The following SLC24A2 variants were observed in gnomAD, a reference collection of about 807,000 sequenced individuals.
SLC24A2 encodes the protein sodium/potassium/calcium exchanger 2.
In SLC24A2, 36 loss-of-function variants were observed where a neutral mutation model predicts 62.0. The observed-to-expected ratio is 0.58, with a 90% confidence interval of 0.44 to 0.77. SLC24A2 has a LOEUF of 0.77. Ranked by LOEUF, SLC24A2 falls within the 30% of genes least tolerant of loss-of-function variation. The probability of loss-of-function intolerance (pLI) is 0.00; values close to 1 mark genes in which losing one functional copy is unlikely to be tolerated. For synonymous variants in SLC24A2, 358 were observed against 294.0 expected, an observed-to-expected ratio of 1.22 and a Z score of -2.23; for missense variants, 846 against 817.9, an observed-to-expected ratio of 1.03 and a Z score of -0.42.
the SLC24A2 span, among the ~76,000 whole-genome samples, chr9:20,119,817 G>A: frequency 2.0e-5 from 3 of 152,172 alleles, no homozygotes; most frequent in Non-Finnish European, 4.4e-5. Context: ...GTAAAACTGT[G>A]TTTATTCAGA....
intron 2 of SLC24A2, among the ~76,000 whole-genome samples, chr9:19,742,217 T>C (rs1289353181): frequency 6.6e-6 from 1 of 152,190 alleles, no homozygotes. Context: ...GAAAGCTGCA[T>C]TTTACATGAA....
chr9:20,062,499 AT>A, the SLC24A2 span, among the ~76,000 whole-genome samples: 1 of 114,072 alleles, frequency 8.8e-6, no homozygotes. Flanking sequence ...TTCAAGATGG[AT>A]TAAAGACTTA....
intron 9 of SLC24A2, among the ~76,000 whole-genome samples, chr9:19,524,670 T>C (rs1833355124): frequency 6.6e-6 from 1 of 152,210 alleles, no homozygotes; most frequent in Non-Finnish European, 1.5e-5. Context: ...GAAGTATTTG[T>C]ATAGGAGAAA....
the SLC24A2 span, among the ~76,000 whole-genome samples, chr9:20,105,402 T>G: frequency 1.3e-5 from 2 of 152,078 alleles, no homozygotes; most frequent in South Asian, 4.2e-4. Context: ...TACATTTTTT[T>G]CAGCACCACA....
chr9:19,824,480 A>T, the SLC24A2 span, among the ~76,000 whole-genome samples: 494 of 152,368 alleles, frequency 3.2e-3, 1 homozygote, highest in African/African-American at 0.011. Context: ...ATACCATCTC[A>T]TGTCAGTTAG....
chr9:20,304,233 C>T, the SLC24A2 span, among the ~76,000 whole-genome samples: 1 of 152,168 alleles, frequency 6.6e-6, no homozygotes. Flanking sequence ...CTGCTGGATG[C>T]TCTGTCCCTC....
At chr9:19,948,583 C>A in the SLC24A2 span, among the ~76,000 whole-genome samples, 1 of 152,116 alleles carries the variant, frequency 6.6e-6, no homozygotes, top group African/African-American at 2.4e-5. Context: ...ACGGGCCGGG[C>A]GCGGTGGCTC....
the SLC24A2 span, among the ~76,000 whole-genome samples, chr9:19,934,346 T>C: frequency 1.3e-5 from 2 of 152,136 alleles, no homozygotes. This position sits in a 1 kb window ranked among gnomAD's most constrained non-coding sequence, Gnocchi z 4.1. Flanking sequence ...GGTGGCTTCA[T>C]GTCTCAGCGT....
At chr9:20,221,586 TG>T in the SLC24A2 span, among the ~76,000 whole-genome samples, 2 of 151,798 alleles carry the variant, frequency 1.3e-5, no homozygotes, top group Non-Finnish European at 2.9e-5. Flanking sequence ...TATCTAAAAT[TG>T]AAAAAATGTA....
At chr9:19,600,357 G>T (rs1028385513) in intron 4 of SLC24A2, among the ~76,000 whole-genome samples, 2 of 152,168 alleles carry the variant, frequency 1.3e-5, no homozygotes, top group Non-Finnish European at 2.9e-5. Context: ...TATCACACTA[G>T]CCAAAAGAGT....
the SLC24A2 span, among the ~76,000 whole-genome samples, chr9:19,914,748 G>C: frequency 6.6e-6 from 1 of 151,948 alleles, no homozygotes; most frequent in East Asian, 1.9e-4. Flanking sequence ...CTCAGATGAG[G>C]CAAGAAGGCA....
chr9:20,177,931 C>A, the SLC24A2 span, among the ~76,000 whole-genome samples: 45 of 152,116 alleles, frequency 3.0e-4, no homozygotes, highest in East Asian at 8.3e-3. Context: ...AAGTGGAGAG[C>A]CAAGATTTGA....
At chr9:19,718,373 A>C (rs1206601249) in intron 2 of SLC24A2, among the ~76,000 whole-genome samples, 13 of 138,208 alleles carry the variant, frequency 9.4e-5, no homozygotes, top group Non-Finnish European at 1.2e-4. Flanking sequence ...GCTCACTGCA[A>C]CCTCTGCCTC....
chr9:19,814,745 T>G, the SLC24A2 span, among the ~76,000 whole-genome samples: 134 of 152,318 alleles, frequency 8.8e-4, 3 homozygotes, highest in South Asian at 0.027. Context: ...TATGAAAATA[T>G]TGTCAGCATT....
the SLC24A2 span, among the ~76,000 whole-genome samples, chr9:19,865,625 G>T: frequency 6.6e-6 from 1 of 152,116 alleles, no homozygotes; most frequent in African/African-American, 2.4e-5. Context: ...AATAAATGGT[G>T]CTGGGAAAAC....
At chr9:20,287,931 T>C in the SLC24A2 span, among the ~76,000 whole-genome samples, 4 of 152,232 alleles carry the variant, frequency 2.6e-5, no homozygotes, top group Non-Finnish European at 5.9e-5. Flanking sequence ...AGTCCATTTA[T>C]TACAAAGTTT....
chr9:19,776,575 T>C (rs1352354260), intron 2 of SLC24A2, among the ~76,000 whole-genome samples: 1 of 152,226 alleles, frequency 6.6e-6, no homozygotes, highest in African/African-American at 2.4e-5. Flanking sequence ...TCTAGCGTCC[T>C]ACAGTAAACT....
rs1307586835 is a variant in SLC24A2, at chr9:19,787,018, T to C, written c.-152A>G. ...CTTCACAGGAAACTTTCATCATTTA[T>C]GCTTAAATAAAAATAAAAACGAGAA... On this transcript the variant is annotated splice_region_variant and 5_prime_UTR_variant, in exon 2 of 11. Coordinates refer to ENST00000341998, the MANE Select transcript of SLC24A2 (RefSeq NM_020344.4). 1 of 1,392,094 alleles carries C rather than the reference T, an allele frequency of 7.2e-7. No homozygotes were observed. Among genetic ancestry groups the C allele is most frequent in the Non-Finnish European group, 9.3e-7 (1 of 1,076,416 alleles). The allele number at this position is 1,392,094 out of a possible 1,614,324, so 86.2% of individuals were successfully genotyped here.
At position 19,513,479 on chromosome 9, in the gene SLC24A2, A is replaced by G. The variant is rs1463065403; in HGVS notation, c.*2674T>C. 6.6e-6 allele frequency: 1 copy of G among 152,088 alleles called. No individual in the cohort carries two copies. Among genetic ancestry groups the G allele is most frequent in the Non-Finnish European group, 1.5e-5 (1 of 68,042 alleles). The allele number at this position is 152,088 out of a possible 1,614,324, so 9.4% of individuals were successfully genotyped here. A position where few individuals can be genotyped will look rare whatever the true frequency, so the allele number is the denominator to read the frequency against. ...AGGTCAGGCTCAGTGCACATGACTG[A>G]TGTGGGAACGGGGCTTGGAAATTTT... On this transcript the variant is annotated 3_prime_UTR_variant, in exon 11 of 11. Transcript: ENST00000341998.
Sources: gnomAD v4.1 joint callset for allele counts (sites outside exome capture counted in the v4.1 genomes callset) on GRCh38, gnomAD v4.1.1 for gene constraint, Gnocchi (gnomAD v3.1) non-coding constraint, MANE v1.5 for transcripts, NCBI Gene and HGNC (gene_info 2026-07-23, HGNC 2026-07-21) for gene names.